HECW1: variants seen among roughly 807,000 people sequenced by gnomAD.
The protein encoded by HECW1 is E3 ubiquitin-protein ligase HECW1.
Under a neutral mutation model 182.3 loss-of-function variants are expected in HECW1, and 61 were observed. That is an observed-to-expected ratio of 0.33 (90% CI 0.27 to 0.41). HECW1 has a LOEUF of 0.41. Ranked by LOEUF, HECW1 falls within the 10% of genes least tolerant of loss-of-function variation. The pLI is 1.00. For synonymous variants in HECW1, 859 were observed against 832.6 expected, an observed-to-expected ratio of 1.03 and a Z score of -0.55; for missense variants, 1,739 against 2,108.9, an observed-to-expected ratio of 0.82 and a Z score of 3.44.
At chr7:43,497,959 C>T (rs950303179) in intron 19 of HECW1, among the ~76,000 whole-genome samples, 1 of 152,146 alleles carries the variant, frequency 6.6e-6, no homozygotes, top group African/African-American at 2.4e-5. Flanking sequence ...AGGAGGCAGT[C>T]GCCTGTCCTG....
intron 6 of HECW1, among the ~76,000 whole-genome samples, chr7:43,381,727 T>G (rs2074559161): frequency 6.6e-6 from 1 of 152,178 alleles, no homozygotes; most frequent in Admixed American, 6.5e-5. Context: ...TTTCACCATG[T>G]TGGCTAGGCT....
At chr7:43,537,020 A>G (rs564285403) in intron 24 of HECW1, among the ~76,000 whole-genome samples, 31 of 152,314 alleles carry the variant, frequency 2.0e-4, no homozygotes, top group South Asian at 1.2e-3. Flanking sequence ...CTGAGACGGT[A>G]GAAGCTGCGT....
In HECW1 at chr7:43,565,494, T is replaced by C. The variant is rs2082306254; in HGVS notation, c.*3568T>C. On this transcript the variant is annotated 3_prime_UTR_variant, in exon 30 of 30. Coordinates refer to ENST00000395891, the MANE Select transcript of HECW1 (RefSeq NM_015052.5). Reference sequence around the variant, plus strand: ...AATTTCTCAGTTGCCACAAATATTTTCCCAGTCAAGATGAAACACTTTCAA... The same window carrying C: ...AATTTCTCAGTTGCCACAAATATTTCCCCAGTCAAGATGAAACACTTTCAA... The C allele has an allele frequency of 5.4e-6, 1 of 186,376 alleles. No homozygotes were observed. Among genetic ancestry groups the C allele is most frequent in the Non-Finnish European group, 1.1e-5 (1 of 88,304 alleles). 11.5% of individuals were successfully genotyped at this position (186,376 alleles called of 1,614,324 possible).
chr7:43,117,501 G>T lies in HECW1; in HGVS notation c.-32+3110G>T, dbSNP rs533756821. Among the ~76,000 whole-genome samples, 5 of 139,696 alleles carry T rather than the reference G, an allele frequency of 3.6e-5. 1 individual carries two copies. Among genetic ancestry groups the T allele is most frequent in the African/African-American group, 1.4e-4 (5 of 35,900 alleles). 91.6% of individuals were successfully genotyped at this position (139,696 alleles called of 152,430 possible). A position where few individuals can be genotyped will look rare whatever the true frequency, so the allele number is the denominator to read the frequency against. On this transcript the variant is annotated intron_variant, in intron 2 of 29. Transcript: ENST00000395891. ...AGCTCAATCTTTTCTACTTTCTGAG[G>T]TTTATTCATTACCATTGCTTTTCCA... is the stretch of plus-strand genomic sequence containing the variant.
At chr7:43,484,784 T>C (rs2078566197) in intron 17 of HECW1, among the ~76,000 whole-genome samples, 1 of 152,226 alleles carries the variant, frequency 6.6e-6, no homozygotes, top group Admixed American at 6.5e-5. Flanking sequence ...AGATCGTTAT[T>C]TGACACTTTC....
At chr7:43,287,188 A>G (rs1804756669) in intron 3 of HECW1, among the ~76,000 whole-genome samples, 2 of 152,094 alleles carry the variant, frequency 1.3e-5, no homozygotes, top group African/African-American at 4.8e-5. Context: ...TAATACAGGG[A>G]ATAGGGAAAG....
intron 2 of HECW1, among the ~76,000 whole-genome samples, chr7:43,184,136 C>A (rs187509147): frequency 6.6e-6 from 1 of 152,156 alleles, no homozygotes; most frequent in East Asian, 1.9e-4. Context: ...GCCTCAGCCT[C>A]CTGAGTAGCT....
chr7:43,463,953 C>T (rs1007527370), intron 14 of HECW1, among the ~76,000 whole-genome samples, 154 bp downstream of exon 14: 5 of 152,020 alleles, frequency 3.3e-5, no homozygotes, highest in Admixed American at 1.3e-4. Context: ...GCCTGGTGCC[C>T]GCAAGGGAAA....
chr7:43,449,722 C>T (rs980390265), intron 11 of HECW1, among the ~76,000 whole-genome samples: 2 of 152,214 alleles, frequency 1.3e-5, no homozygotes, highest in African/African-American at 4.8e-5. Context: ...AAGGCCTGAC[C>T]TTTGCCCTCT....
chr7:43,545,193 T>C lies in HECW1; in HGVS notation c.4248+3195T>C, dbSNP rs568181590. On this transcript the variant is annotated intron_variant, in intron 26 of 29. Transcript: ENST00000395891. ...AGATGACTGTCTCCAGAAAGGGAGA[T>C]TGCATGGCTGGGAGGTTAGGTGGGA... Among the ~76,000 whole-genome samples the C allele has an allele frequency of 2.6e-5, 4 of 152,342 alleles. No homozygotes were observed. The East Asian group carries it at 5.8e-4, about 22-fold the overall frequency.
intron 5 of HECW1, among the ~76,000 whole-genome samples, chr7:43,352,953 G>C (rs146954692): frequency 1.3e-5 from 2 of 151,764 alleles, no homozygotes; most frequent in African/African-American, 2.4e-5. Flanking sequence ...GTAGGAAGGT[G>C]GGGGGGCAGG....
chr7:43,240,141 G>C (rs1329276075), intron 2 of HECW1: 4 of 152,236 alleles, frequency 2.6e-5, no homozygotes, highest in African/African-American at 9.7e-5. Context: ...AGGAGATCGA[G>C]ACCATCCTGG....
intron 2 of HECW1, among the ~76,000 whole-genome samples, chr7:43,158,772 T>TGCACCATGCTC (rs1420441617): frequency 1.3e-5 from 2 of 152,246 alleles, no homozygotes; most frequent in Admixed American, 6.5e-5. Context: ...CAATGGTAAC[T>TGCACCATGCTC]GCACCATGCT....
intron 3 of HECW1, among the ~76,000 whole-genome samples, chr7:43,251,943 C>T (rs1800077455): frequency 6.6e-6 from 1 of 152,142 alleles, no homozygotes; most frequent in Non-Finnish European, 1.5e-5. Flanking sequence ...CCAAGCTGGA[C>T]CCAGTGCTCT....
chr7:43,330,916 TG>T (rs1334980600), intron 5 of HECW1, among the ~76,000 whole-genome samples: 4 of 152,202 alleles, frequency 2.6e-5, no homozygotes, highest in African/African-American at 9.6e-5. Flanking sequence ...GCAATGACAG[TG>T]GCTCTGAGAA....
At chr7:43,311,571 G>C in intron 3 of HECW1, 192 bp from the exon 4 acceptor site, 2 of 758,684 alleles carry the variant, frequency 2.6e-6, no homozygotes, top group Middle Eastern at 3.4e-4. Context: ...TTTTGTTCTT[G>C]CTGTCCCCGT....
At chr7:43,215,928 C>T (rs1311202107) in intron 2 of HECW1, among the ~76,000 whole-genome samples, 2 of 152,150 alleles carry the variant, frequency 1.3e-5, no homozygotes, top group African/African-American at 4.8e-5. Flanking sequence ...TGTTCAGAGA[C>T]CAGGCAGAGG....
At position 43,114,405 on chromosome 7, in the gene HECW1, GA is replaced by G. The variant is rs759425601; in HGVS notation, c.-32+15del. 3 of 1,338,216 alleles carry G rather than the reference GA, an allele frequency of 2.2e-6. No homozygotes were observed. Among genetic ancestry groups the G allele is most frequent in the South Asian group, 2.5e-5 (2 of 81,272 alleles). The allele number at this position is 1,338,216 out of a possible 1,614,324, so 82.9% of individuals were successfully genotyped here. A position where few individuals can be genotyped will look rare whatever the true frequency, so the allele number is the denominator to read the frequency against. On this transcript the variant is annotated intron_variant, in intron 2 of 29. Transcript: ENST00000395891. ...GTGGCTATTACGGTAATTCATTCTA[GA>G]TTGGGGATTCATTTAAAAATGTGTG...
At chr7:43,271,951 T>C (rs944543126) in intron 3 of HECW1, among the ~76,000 whole-genome samples, 19 of 151,916 alleles carry the variant, frequency 1.3e-4, no homozygotes, top group Non-Finnish European at 1.5e-5. Context: ...TCAAACTGTG[T>C]TATAAGGCTA....
Sources: allele counts gnomAD v4.1 joint callset (sites outside exome capture counted in the v4.1 genomes callset), GRCh38; gene constraint gnomAD v4.1.1; transcripts MANE v1.5; gene names NCBI Gene and HGNC (gene_info 2026-07-23, HGNC 2026-07-21).